Variants in HEATR1 observed in about 807,000 individuals in gnomAD.
HEATR1 encodes HEAT repeat containing 1.
HEATR1 carries 77 observed loss-of-function variants against 248.2 expected under a neutral mutation model. The observed-to-expected ratio is 0.31, with a 90% CI of 0.26 to 0.37. HEATR1 has a LOEUF of 0.37. Among genes scored for constraint, HEATR1 ranks in the 10% least tolerant of loss-of-function variants. The pLI, the probability that HEATR1 is intolerant of heterozygous loss-of-function variation, is 1.00. For synonymous variants in HEATR1, 897 were observed against 923.1 expected, an observed-to-expected ratio of 0.97 and a Z score of 0.51; for missense variants, 2,420 against 2,504.9, an observed-to-expected ratio of 0.97 and a Z score of 0.72.
rs1572037339 is a variant in HEATR1, at chr1:236,566,954, C to T, written c.4078-78G>A. ...ACAAGTTTAGGTGAACAAGATAAGG[C>T]TTTTAGATGGGCCCCAAGAAATTGC... On this transcript the variant is annotated intron_variant, in intron 29 of 44. Transcript: ENST00000366582. 6.7e-6 allele frequency: 6 copies of T among 890,418 alleles called. No homozygotes were observed. The East Asian group carries it at 1.5e-4, about 22-fold the overall frequency. The allele number at this position is 890,418 out of a possible 1,614,324, so 55.2% of individuals were successfully genotyped here.
In HEATR1 at chr1:236,595,894, C is replaced by T; in HGVS notation, c.895G>A (p.Asp299Asn). The stretch of plus-strand genomic sequence containing the variant: ...AGCACTATCAAGCAACTTAACCCAT[C>T]CTTGATCAAAGAGGGAATCTTGGTC... ...TLTKIPSLIK[D>N]GLSCLIVLLQ... The change falls in exon 7 of 45, where the codon GAT becomes AAT. Residue 299 changes from aspartate to asparagine, a missense_variant. By Grantham distance (23) the Asp-to-Asn change is conservative. Transcript: ENST00000366582. The T allele has an allele frequency of 6.2e-7, 1 of 1,614,078 alleles. No homozygotes were observed.
chr1:236,568,443 C>G (rs1663331226), intron 29 of HEATR1, among the ~76,000 whole-genome samples: 1 of 152,188 alleles, frequency 6.6e-6, no homozygotes, highest in East Asian at 1.9e-4. Context: ...ACATAGACAA[C>G]TCAAGTAGAT....
chr1:236,576,719 G>T, intron 21 of HEATR1, 61 bp downstream of exon 21: 1 of 1,462,356 alleles, frequency 6.8e-7, no homozygotes, highest in Non-Finnish European at 9.2e-7. Flanking sequence ...CGAGAATGGA[G>T]AAAATTGCTC....
chr1:236,555,238 G>GT (rs1245517553), intron 41 of HEATR1, 58 bp downstream of exon 41: 1 of 1,554,514 alleles, frequency 6.4e-7, no homozygotes, highest in Admixed American at 1.8e-5. Context: ...TGTCTTACTG[G>GT]TACCTTGTAT....
rs528665543 is a variant in HEATR1, at chr1:236,579,074, C to T, written c.2756-2125G>A. ...GATAAAGCTTGACAAGGTTTCAAAC[C>T]TGCCTAAGAAGTTCATACAGGTTGA... On this transcript the variant is annotated intron_variant, in intron 20 of 44. Transcript: ENST00000366582. Among the ~76,000 whole-genome samples the T allele has an allele frequency of 5.8e-4, 89 of 152,286 alleles. 2 individuals are homozygous for T. The South Asian group carries it at 0.018, about 30-fold the overall frequency.
intron 2 of HEATR1, 92 bp downstream of exon 2, chr1:236,603,862 G>A (rs558550671): frequency 5.2e-6 from 7 of 1,349,800 alleles, no homozygotes; most frequent in South Asian, 1.3e-5. Context: ...AAGAGGACGG[G>A]ACAGAAGAGA....
intron 23 of HEATR1, 125 bp downstream of exon 23, chr1:236,574,535 AG>A: frequency 7.8e-7 from 1 of 1,281,264 alleles, no homozygotes. Flanking sequence ...TAAAACGTCT[AG>A]TCCACCTGTA....
At chr1:236,577,024 AG>A (rs1488119611) in intron 20 of HEATR1, 75 bp from the exon 21 acceptor site, 1 of 1,130,704 alleles carries the variant, frequency 8.8e-7, no homozygotes, top group Non-Finnish European at 1.2e-6. Flanking sequence ...ATAGTACCAA[AG>A]GTACTTGATA....
At chr1:236,585,252 T>C (rs1424276828) in intron 16 of HEATR1, 36 bp from the exon 17 acceptor site, 2 of 1,546,920 alleles carry the variant, frequency 1.3e-6, no homozygotes, top group African/African-American at 1.4e-5. Context: ...CCAGTTGCTC[T>C]TGATTTTCAT....
chr1:236,598,005 A>G, intron 4 of HEATR1, 26 bp from the exon 5 acceptor site: 1 of 1,430,120 alleles, frequency 7.0e-7, no homozygotes, highest in South Asian at 1.2e-5. Context: ...AGAACAAACT[A>G]CTAGCAACAT....
intron 36 of HEATR1, 66 bp from the exon 37 acceptor site, chr1:236,557,411 G>A (rs1286135924): frequency 6.5e-7 from 1 of 1,536,440 alleles, no homozygotes; most frequent in Non-Finnish European, 8.8e-7. Flanking sequence ...ATGGAGTAGA[G>A]GGCATTATGA....
rs115490693 is a variant in HEATR1, at chr1:236,594,197, C to T, written c.1091-83G>A. ...ATTAAATTCACTTATAGCAGAAAAT[C>T]GTTCTCAGAATAAAACACACACACT... On this transcript the variant is annotated intron_variant, in intron 8 of 44. Coordinates refer to ENST00000366582, the MANE Select transcript of HEATR1 (RefSeq NM_018072.6). The T allele has an allele frequency of 2.3e-3, 2,001 of 863,648 alleles. 15 individuals carry two copies. The highest frequency in any genetic ancestry group is 0.015 in the African/African-American group (892 of 58,292). 53.5% of individuals were successfully genotyped at this position (863,648 alleles called of 1,614,324 possible).
chr1:236,579,216 A>AG, intron 20 of HEATR1, among the ~76,000 whole-genome samples: 1 of 150,508 alleles, frequency 6.6e-6, no homozygotes, highest in East Asian at 2.0e-4. Flanking sequence ...CAGGCATACA[A>AG]CTGTTTATTC....
chr1:236,555,186 G>A, intron 41 of HEATR1, 110 bp downstream of exon 41: 2 of 1,124,152 alleles, frequency 1.8e-6, no homozygotes, highest in African/African-American at 1.6e-5. Flanking sequence ...CTTAGCTTAG[G>A]ACTTAAGAAC....
chr1:236,561,189 T>A, intron 33 of HEATR1, 36 bp downstream of exon 33: 1 of 1,458,358 alleles, frequency 6.9e-7, no homozygotes. Flanking sequence ...TGAAGTCATT[T>A]CCAAATAAAA....
In HEATR1 at chr1:236,595,603, C is replaced by T. The variant is rs201723577; in HGVS notation, c.1027G>A (p.Val343Ile). 3 of 1,608,178 alleles carry T rather than the reference C, an allele frequency of 1.9e-6. No homozygotes were observed. Among genetic ancestry groups the T allele is most frequent in the East Asian group, 2.2e-5 (1 of 44,820 alleles). The change falls in exon 8 of 45, where the codon GTC becomes ATC. Residue 343 changes from valine (V) to isoleucine (I), a missense_variant. Val to Ile is a conservative substitution (Grantham distance 29). Coordinates refer to ENST00000366582, the MANE Select transcript of HEATR1 (RefSeq NM_018072.6). ...AGCATGTAATGCAGAAGAGGACTGA[C>T]ATCGTAAGTTTCAGAAATCCCATGA... Reference protein sequence around the residue: ...ILHGISETYDVSPLLHYMLPH... With the variant: ...ILHGISETYDISPLLHYMLPH...
At chr1:236,598,278 T>C (rs1038383267) in intron 4 of HEATR1, among the ~76,000 whole-genome samples, 10 of 152,242 alleles carry the variant, frequency 6.6e-5, no homozygotes, top group African/African-American at 2.4e-4. Context: ...GTAACTTTAC[T>C]GGTTCGATTT....
Position 236,553,664 on chromosome 1 carries a change from A to T in HEATR1, c.6154T>A (p.Phe2052Ile), listed in dbSNP as rs1189624247. ...GAGTCATCCGCCATGGCCACCGAAA[A>T]CTGTGCGATGCATGGTATCAGGTGC... Reference protein sequence around the residue: ...TKHLIPCIAQFSVAMADDSLW... With the variant: ...TKHLIPCIAQISVAMADDSLW... The change falls in exon 43 of 45, where the codon TTT (phenylalanine) becomes ATT (isoleucine). Residue 2052 changes from phenylalanine to isoleucine, a missense_variant. Phe to Ile is a conservative substitution (Grantham distance 21, BLOSUM62 0). Transcript: ENST00000366582. 1 of 1,614,062 alleles carries T rather than the reference A, an allele frequency of 6.2e-7. No individual in the cohort carries two copies.
intron 13 of HEATR1, 30 bp from the exon 14 acceptor site, chr1:236,587,520 T>C (rs181636795): frequency 5.3e-6 from 6 of 1,124,360 alleles, no homozygotes; most frequent in Non-Finnish European, 7.5e-6. Flanking sequence ...CAGAGTAGAT[T>C]TGTACTTGCT....
Sources: allele counts gnomAD v4.1 joint callset (sites outside exome capture counted in the v4.1 genomes callset), GRCh38; gene constraint gnomAD v4.1.1; transcripts MANE v1.5; gene names NCBI Gene and HGNC (gene_info 2026-07-23, HGNC 2026-07-21).